The following EDIL3 variants were observed in gnomAD, a reference collection of about 807,000 sequenced individuals.
EDIL3 encodes EGF like and discoidin domains 3.
In EDIL3, 37 loss-of-function variants were observed where a neutral mutation model predicts 67.4. The ratio of observed to expected loss-of-function variants is 0.55; its 90% CI spans 0.42 to 0.72. EDIL3 has a LOEUF of 0.72. EDIL3 is among the 30% of genes least tolerant of loss of function. EDIL3 has a pLI of 0.00. For synonymous variants in EDIL3, 195 were observed against 196.3 expected (o/e 0.99, Z 0.05); for missense variants, 527 against 586.3 (o/e 0.90, Z 1.04).
intron 1 of EDIL3, among the ~76,000 whole-genome samples, chr5:84,306,929 C>G (rs995862965): frequency 1.3e-5 from 2 of 152,190 alleles, no homozygotes; most frequent in African/African-American, 4.8e-5. Flanking sequence ...TAAAATGCTT[C>G]ACACAATACT....
chr5:83,957,072 A>G (rs1365690192), intron 10 of EDIL3, among the ~76,000 whole-genome samples: 1 of 151,708 alleles, frequency 6.6e-6, no homozygotes, highest in African/African-American at 2.4e-5. Context: ...TGTTTTGTAT[A>G]AAGTCATGTA....
rs1203928043 is a variant in EDIL3 at position 83,943,311 on chromosome 5, A to G, written c.*108T>C. On this transcript the variant is annotated 3_prime_UTR_variant, in exon 11 of 11. Coordinates refer to ENST00000296591, the MANE Select transcript of EDIL3 (RefSeq NM_005711.5). The stretch of plus-strand genomic sequence containing the variant: ...CCTACCATAATTTGAGCACTTTTTC[A>G]TGAAAAAAAAAAAAAAACCATTCAG... 3 of 1,397,772 alleles carry G rather than the reference A, an allele frequency of 2.1e-6. No individual in the cohort carries two copies. The highest frequency in any genetic ancestry group is 2.2e-5 in the Admixed American group (1 of 44,576). The allele number at this position is 1,397,772 out of a possible 1,614,324, so 86.6% of individuals were successfully genotyped here.
chr5:84,369,790 TA>T (rs1324646190), intron 1 of EDIL3, among the ~76,000 whole-genome samples: 5 of 152,174 alleles, frequency 3.3e-5, no homozygotes, highest in African/African-American at 1.2e-4. Context: ...AATTGAAAAT[TA>T]AACCCCCAAA....
At chr5:84,114,531 C>G (rs947722568) in intron 5 of EDIL3, among the ~76,000 whole-genome samples, 2 of 152,160 alleles carry the variant, frequency 1.3e-5, no homozygotes, top group Non-Finnish European at 2.9e-5. Flanking sequence ...GAAAATTCCA[C>G]TTGGTGATGT....
At chr5:84,274,935 C>CA (rs1219693746) in intron 1 of EDIL3, among the ~76,000 whole-genome samples, 2 of 152,124 alleles carry the variant, frequency 1.3e-5, no homozygotes, top group African/African-American at 4.8e-5. Context: ...GCCAGTCTCG[C>CA]AAAATAACCC....
intron 1 of EDIL3, among the ~76,000 whole-genome samples, chr5:84,281,343 A>G (rs527870505): frequency 4.6e-5 from 7 of 152,338 alleles, no homozygotes; most frequent in South Asian, 2.1e-4. Flanking sequence ...CATGTCTGAC[A>G]TCACTTCAAG....
chr5:84,027,248 C>A (rs1745831841), intron 9 of EDIL3, among the ~76,000 whole-genome samples: 2 of 152,150 alleles, frequency 1.3e-5, no homozygotes, highest in South Asian at 4.1e-4. Context: ...AGAGTGTCTA[C>A]AAGTTAAAAT....
At chr5:84,057,560 G>A (rs937269774) in intron 9 of EDIL3, among the ~76,000 whole-genome samples, 3 of 152,030 alleles carry the variant, frequency 2.0e-5, no homozygotes, top group African/African-American at 7.2e-5. Flanking sequence ...GTGGAAAGGA[G>A]ATTTTCTTCA....
intron 9 of EDIL3, among the ~76,000 whole-genome samples, chr5:84,012,165 T>C (rs10491382): frequency 0.11 from 16,826 of 152,164 alleles, 2,948 homozygotes; most frequent in African/African-American, 0.37. Flanking sequence ...CCTAATAGCA[T>C]GATAGATGGT....
chr5:83,951,767 G>A (rs1744426007), intron 10 of EDIL3, among the ~76,000 whole-genome samples: 1 of 151,758 alleles, frequency 6.6e-6, no homozygotes, highest in Admixed American at 6.6e-5. Context: ...TATTGGAAAA[G>A]AGGAGGAAAT....
chr5:84,106,523 T>C lies in EDIL3; in HGVS notation c.651+126A>G, dbSNP rs1262171414. On this transcript the variant is annotated intron_variant, in intron 6 of 10. Transcript: ENST00000296591. ...TTGGGAGCTAATTTGAACTCTTCAC[T>C]AAATTACCCTTTCCTCTGACCATAA... 9 of 1,190,790 alleles carry C rather than the reference T, an allele frequency of 7.6e-6. No homozygotes were observed. In the East Asian group the frequency reaches 1.8e-4, roughly 23 times the overall value. The allele number at this position is 1,190,790 out of a possible 1,614,324, so 73.8% of individuals were successfully genotyped here. A position where few individuals can be genotyped will look rare whatever the true frequency, so the allele number is the denominator to read the frequency against.
chr5:84,229,120 C>A (rs1457330586), intron 3 of EDIL3, among the ~76,000 whole-genome samples: 3 of 151,992 alleles, frequency 2.0e-5, no homozygotes, highest in Non-Finnish European at 4.4e-5. Flanking sequence ...ATCAAGTGAG[C>A]TTTTTCTTCC....
rs141595354 is a variant in EDIL3 at position 83,941,225 on chromosome 5, C to T, written c.*2194G>A. ...GGTGTCATGAGAACAATAGGTATCC[C>T]GTTGGACATGATGTATTGCGAAGAG... is the stretch of plus-strand genomic sequence containing the variant. On this transcript the variant is annotated 3_prime_UTR_variant, in exon 11 of 11. Coordinates refer to ENST00000296591, the MANE Select transcript of EDIL3 (RefSeq NM_005711.5). 4.6e-5 allele frequency: 7 copies of T among 151,972 alleles called. No individual in the cohort carries two copies. Among genetic ancestry groups the T allele is most frequent in the South Asian group, 2.1e-4 (1 of 4,816 alleles). The allele number at this position is 151,972 out of a possible 1,614,324, so 9.4% of individuals were successfully genotyped here. A position where few individuals can be genotyped will look rare whatever the true frequency, so the allele number is the denominator to read the frequency against.
At chr5:83,955,656 A>G (rs1187304685) in intron 10 of EDIL3, among the ~76,000 whole-genome samples, 1 of 151,780 alleles carries the variant, frequency 6.6e-6, no homozygotes, top group African/African-American at 2.4e-5. Context: ...TCATTAAATA[A>G]CAGTCACACC....
chr5:84,056,376 C>T (rs1410148384), intron 9 of EDIL3, among the ~76,000 whole-genome samples: 3 of 151,832 alleles, frequency 2.0e-5, no homozygotes, highest in South Asian at 2.1e-4. Flanking sequence ...AGGTAAATGA[C>T]GAGTTAATGG....
rs567902163 is a variant in EDIL3, at chr5:84,106,267, TG to T, written c.651+381del. Among the ~76,000 whole-genome samples the T allele has an allele frequency of 7.4e-4, 112 of 152,216 alleles. 2 individuals are homozygous for T. Among genetic ancestry groups the T allele is most frequent in the African/African-American group, 2.7e-3 (111 of 41,562 alleles). ...GCATGGTATATTTTATACTTGCATTTGTGGACCCACTTCTTAGAGATAGAAA... is the reference window on the plus strand; with the variant it reads ...GCATGGTATATTTTATACTTGCATTTTGGACCCACTTCTTAGAGATAGAAA... On this transcript the variant is annotated intron_variant, in intron 6 of 10. Transcript: ENST00000296591.
intron 5 of EDIL3, among the ~76,000 whole-genome samples, chr5:84,111,945 A>T (rs1747571908): frequency 6.6e-6 from 1 of 152,124 alleles, no homozygotes; most frequent in African/African-American, 2.4e-5. Context: ...TGATTCCCGG[A>T]AAAGAATAGG....
intron 4 of EDIL3, among the ~76,000 whole-genome samples, chr5:84,160,644 A>G (rs1365730851): frequency 6.6e-6 from 1 of 151,946 alleles, no homozygotes; most frequent in Admixed American, 6.6e-5. Context: ...GGTTCTTTCC[A>G]TTGCTCCCAG....
intron 9 of EDIL3, 29 bp downstream of exon 9, chr5:84,060,271 G>A (rs750642423): frequency 2.5e-6 from 4 of 1,607,760 alleles, no homozygotes; most frequent in Non-Finnish European, 8.5e-7. Context: ...AGGAACAGTG[G>A]GTAGTGAAAC....
Sources: allele counts gnomAD v4.1 joint callset (sites outside exome capture counted in the v4.1 genomes callset), GRCh38; gene constraint gnomAD v4.1.1; transcripts MANE v1.5; gene names NCBI Gene and HGNC (gene_info 2026-07-23, HGNC 2026-07-21).